Variants in CFAP91 observed in about 807,000 individuals in gnomAD.
CFAP91 encodes the protein cilia- and flagella-associated protein 91.
In CFAP91, 85 loss-of-function variants were observed where a neutral mutation model predicts 95.9. That is an observed-to-expected ratio of 0.89 (90% CI 0.74 to 1.06). The LOEUF (loss-of-function observed/expected upper bound fraction) is 1.06. CFAP91 is among the 50% of genes least tolerant of loss of function. CFAP91 has a pLI of 0.00. For missense variants in CFAP91, 962 were observed against 943.4 expected (o/e 1.02, Z -0.26); for synonymous variants, 335 against 327.5 (o/e 1.02, Z -0.25).
chr3:119,747,300 C>A, intron 15 of CFAP91, 37 bp downstream of exon 15: 1 of 1,583,926 alleles, frequency 6.3e-7, no homozygotes, highest in Admixed American at 1.8e-5. Context: ...AATGGACAGC[C>A]CATTTGCTGG....
intron 17 of CFAP91, among the ~76,000 whole-genome samples, chr3:119,752,945 C>T (rs1341469315): frequency 6.6e-6 from 1 of 152,134 alleles, no homozygotes; most frequent in Non-Finnish European, 1.5e-5. Context: ...GTATATCCTC[C>T]CTCTTCCTTC....
At position 119,730,504 on chromosome 3, in the gene CFAP91, G is replaced by C. The variant is rs570280663; in HGVS notation, c.1018+127G>C. The stretch of plus-strand genomic sequence containing the variant: ...TGGGAATCACATAGGTAAGGGCTAA[G>C]AGATGAGTTATTTCTTAAAGGTAGA... On this transcript the variant is annotated intron_variant, in intron 8 of 17. Coordinates refer to ENST00000273390, the MANE Select transcript of CFAP91 (RefSeq NM_033364.4). The C allele has an allele frequency of 2.5e-5, 22 of 885,910 alleles. No homozygotes were observed. The South Asian group carries it at 2.9e-4, about 12-fold the overall frequency. The allele number at this position is 885,910 out of a possible 1,614,324, so 54.9% of individuals were successfully genotyped here.
At chr3:119,749,753 T>C (rs953581585) in intron 16 of CFAP91, among the ~76,000 whole-genome samples, 12 of 152,166 alleles carry the variant, frequency 7.9e-5, no homozygotes, top group Non-Finnish European at 1.5e-5. Flanking sequence ...CCATATGTAT[T>C]ATATATACAC....
rs2053419385 is a variant in CFAP91, at chr3:119,708,669, T to C, written c.438T>C (p.Phe146=). Residue 146 remains phenylalanine, a synonymous_variant, in exon 4 of 18, where the codon TTT becomes TTC. Transcript: ENST00000273390. ...CTGGAAAGAATCGCTATAAATACTT[T>C]GAAAGGTAGAACATAATTACTAATG... ...EVTGKNRYKY[F]ERPFLPFFQQ... 6.4e-7 allele frequency: 1 copy of C among 1,551,106 alleles called. No individual in the cohort carries two copies.
chr3:119,749,590 G>C (rs1358851530), intron 16 of CFAP91, among the ~76,000 whole-genome samples: 3 of 152,198 alleles, frequency 2.0e-5, no homozygotes, highest in African/African-American at 4.8e-5. Context: ...TTGAGGATTT[G>C]GAGGAAGACT....
chr3:119,705,225 A>T (rs554226781), intron 1 of CFAP91, among the ~76,000 whole-genome samples: 37 of 152,354 alleles, frequency 2.4e-4, no homozygotes, highest in African/African-American at 8.7e-4. Flanking sequence ...TTGTAGCTGA[A>T]AATTTAAGTT....
intron 10 of CFAP91, among the ~76,000 whole-genome samples, chr3:119,736,604 T>C (rs1442571852): frequency 6.6e-6 from 1 of 152,168 alleles, no homozygotes; most frequent in Non-Finnish European, 1.5e-5. Flanking sequence ...TGGATTTGCC[T>C]ATTCTGGACA....
intron 11 of CFAP91, among the ~76,000 whole-genome samples, chr3:119,738,472 A>T (rs766404797): frequency 6.8e-6 from 1 of 147,100 alleles, no homozygotes; most frequent in Non-Finnish European, 1.5e-5. Context: ...CGTCAGCCTT[A>T]TGAGTAGCTG....
At chr3:119,718,909 C>CAAA (rs540249941) in intron 6 of CFAP91, among the ~76,000 whole-genome samples, 4 of 137,390 alleles carry the variant, frequency 2.9e-5, no homozygotes, top group Middle Eastern at 3.8e-3. Flanking sequence ...AAGTATACAT[C>CAAA]AAAAAAAAAA....
rs994345392 is a variant in CFAP91 at position 119,747,162 on chromosome 3, A to G, written c.1950A>G (p.Ile650Met). ...CTATAAGCTCCTACCTAGAAGACAT[A>G]ATACTGAATACCGAAGCGAATACTG... ...HSTISSYLED[I>M]ILNTEANTAE... Residue 650 changes from isoleucine to methionine, a missense_variant, in exon 15 of 18, where the codon ATA (isoleucine) becomes ATG (methionine). Physicochemically the swap from Ile to Met is conservative, Grantham distance 10 (BLOSUM62 1). Coordinates refer to ENST00000273390, the MANE Select transcript of CFAP91 (RefSeq NM_033364.4). 2.5e-6 allele frequency: 4 copies of G among 1,613,578 alleles called. No individual in the cohort carries two copies. The African/African-American group carries it at 4.0e-5, about 16-fold the overall frequency.
chr3:119,703,381 GC>G (rs1371363811), intron 1 of CFAP91, 159 bp downstream of exon 1: 3 of 1,149,756 alleles, frequency 2.6e-6, no homozygotes, highest in Non-Finnish European at 3.6e-6. Flanking sequence ...GCAGCTCCGA[GC>G]CCTCCAGGTG....
intron 6 of CFAP91, among the ~76,000 whole-genome samples, chr3:119,723,841 A>G (rs750691761): frequency 4.2e-4 from 64 of 152,308 alleles, no homozygotes; most frequent in Middle Eastern, 3.4e-3. Context: ...GATTAAATGC[A>G]TTAGAAAAGT....
At chr3:119,705,757 A>G (rs2053346665) in intron 1 of CFAP91, among the ~76,000 whole-genome samples, 1 of 152,122 alleles carries the variant, frequency 6.6e-6, no homozygotes, top group African/African-American at 2.4e-5. Context: ...GAAGTCAAAG[A>G]TTTTTGTCGT....
intron 6 of CFAP91, among the ~76,000 whole-genome samples, chr3:119,723,654 G>T (rs1031527505): frequency 7.2e-5 from 11 of 152,124 alleles, no homozygotes; most frequent in African/African-American, 2.7e-4. Context: ...ACTGTGTCTT[G>T]CTTCTATAGA....
At chr3:119,715,915 A>G (rs1458594361) in intron 6 of CFAP91, 172 bp downstream of exon 6, 1 of 619,494 alleles carries the variant, frequency 1.6e-6, no homozygotes, top group African/African-American at 1.8e-5. Context: ...TCAAATAAAG[A>G]TACTATCTTT....
chr3:119,736,857 A>G (rs1368191075), intron 10 of CFAP91, among the ~76,000 whole-genome samples: 2 of 150,918 alleles, frequency 1.3e-5, no homozygotes, highest in Admixed American at 6.6e-5. Context: ...GTTTTTTGAG[A>G]TGAAGTTTTG....
At chr3:119,761,235 T>C (rs962888338) in intron 17 of CFAP91, among the ~76,000 whole-genome samples, 1 of 151,748 alleles carries the variant, frequency 6.6e-6, no homozygotes, top group African/African-American at 2.4e-5. Context: ...TATAAACAAT[T>C]ATATACCAAC....
chr3:119,736,414 G>T (rs2054007758), intron 10 of CFAP91, among the ~76,000 whole-genome samples: 1 of 151,526 alleles, frequency 6.6e-6, no homozygotes, highest in Admixed American at 6.6e-5. Context: ...TGGGACTACA[G>T]GCGCCCACCA....
Position 119,733,405 on chromosome 3 carries a change from C to G in CFAP91, c.1243C>G (p.Gln415Glu). 6.2e-7 allele frequency: 1 copy of G among 1,614,124 alleles called. No individual in the cohort carries two copies. The highest frequency in any genetic ancestry group is 8.5e-7 in the Non-Finnish European group (1 of 1,179,972). The change falls in exon 10 of 18, where the codon CAA (glutamine) becomes GAA (glutamate). Residue 415 changes from glutamine to glutamate, a missense_variant. Gln to Glu is a conservative substitution (Grantham distance 29, BLOSUM62 2). Coordinates refer to ENST00000273390, the MANE Select transcript of CFAP91 (RefSeq NM_033364.4). ...GTCATGTCTCCCAGATTTTGTGACA[C>G]AACCCCAAATCAGAGCTCCAAAACC... ...LESCLPDFVT[Q>E]PQIRAPKPKV...
Sources: allele counts gnomAD v4.1 joint callset (sites outside exome capture counted in the v4.1 genomes callset), GRCh38; gene constraint gnomAD v4.1.1; transcripts MANE v1.5; gene names NCBI Gene and HGNC (gene_info 2026-07-23, HGNC 2026-07-21).